PDE4D: variants seen among roughly 807,000 people sequenced by gnomAD.
The protein encoded by PDE4D is 3',5'-cyclic-AMP phosphodiesterase 4D.
A neutral mutation model predicts 87.4 loss-of-function variants in PDE4D; 24 were observed. The ratio of observed to expected loss-of-function variants is 0.27; its 90% CI spans 0.20 to 0.39. The LOEUF (loss-of-function observed/expected upper bound fraction) is 0.39, where lower values mean the gene tolerates loss of function less well. Ranked by LOEUF, PDE4D falls within the 10% of genes least tolerant of loss-of-function variation. The pLI, the probability that PDE4D is intolerant of heterozygous loss-of-function variation, is 1.00. For missense variants in PDE4D, 714 were observed against 1,041.0 expected (o/e 0.69, Z 4.32); for synonymous variants, 384 against 383.2 (o/e 1.00, Z -0.02).
At chr5:59,668,845 GGAAGAAGAAGAAGAAGAA>G (rs1208323931) in intron 1 of PDE4D, among the ~76,000 whole-genome samples, 737 of 62,072 alleles carry the variant, frequency 0.012, 11 homozygotes, top group Middle Eastern at 0.019. Flanking sequence ...AAGAGGAAGA[GGAAGAAGAAGAAGAAGAA>G]GAAGAAGAAG....
chr5:59,678,387 T>C (rs1381003973), intron 1 of PDE4D, among the ~76,000 whole-genome samples: 1 of 152,196 alleles, frequency 6.6e-6, no homozygotes, highest in African/African-American at 2.4e-5. Flanking sequence ...TTACATTATG[T>C]GTAGTTTTGT....
In PDE4D at chr5:60,302,539, T is replaced by C. The variant is rs112324034; in HGVS notation, c.-89-116852A>G. Among the ~76,000 whole-genome samples, 6 of 152,306 alleles carry C rather than the reference T, an allele frequency of 3.9e-5. 1 individual carries two copies. The highest frequency in any genetic ancestry group is 1.4e-4 in the African/African-American group (6 of 41,570). On this transcript the variant is annotated intron_variant, in intron 1 of 16. Transcript: ENST00000502484. ...ATCCCCCTTATCATTTCTAATTGTG[T>C]TTATTTGATCCTTCTCTCTTTTATT...
chr5:60,030,046 T>C (rs549418425), intron 2 of PDE4D, among the ~76,000 whole-genome samples: 3 of 152,344 alleles, frequency 2.0e-5, no homozygotes, highest in South Asian at 4.1e-4. Flanking sequence ...CATCAACCAT[T>C]GATGCCTAAA....
chr5:59,640,920 T>C (rs1741473670), intron 1 of PDE4D, among the ~76,000 whole-genome samples: 1 of 152,256 alleles, frequency 6.6e-6, no homozygotes, highest in African/African-American at 2.4e-5. Context: ...AAGGCAATTC[T>C]ATATCTCTTT....
rs1202402278 is a variant in PDE4D at position 59,327,163 on chromosome 5, ACACACACT to A, written c.456-111203_456-111196del. ...CACACACACACACACACACACACAC[ACACACACT>A]CCAGACTGGCTGTGAATGAAATACC... is the stretch of plus-strand genomic sequence containing the variant. On this transcript the variant is annotated intron_variant, in intron 1 of 14. Coordinates refer to ENST00000340635, the MANE Select transcript of PDE4D (RefSeq NM_001104631.2). Among the ~76,000 whole-genome samples, 9 of 134,656 alleles carry A rather than the reference ACACACACT, an allele frequency of 6.7e-5. No homozygotes were observed. In the East Asian group the frequency reaches 1.4e-3, roughly 21 times the overall value. The allele number at this position is 134,656 out of a possible 152,430, so 88.3% of individuals were successfully genotyped here.
intron 5 of PDE4D, among the ~76,000 whole-genome samples, chr5:59,172,047 ATAT>A (rs1304890755): frequency 4.3e-3 from 11 of 2,554 alleles, no homozygotes; most frequent in African/African-American, 0.023. Context: ...TATATATATA[ATAT>A]ATATATATTA....
chr5:59,520,360 A>G (rs141916639), intron 1 of PDE4D, among the ~76,000 whole-genome samples: 1 of 152,192 alleles, frequency 6.6e-6, no homozygotes, highest in South Asian at 2.1e-4. Context: ...ATCATGCCTT[A>G]TTCATCTGTA....
intron 1 of PDE4D, among the ~76,000 whole-genome samples, chr5:59,524,776 T>G (rs1812786136): frequency 6.6e-6 from 1 of 152,164 alleles, no homozygotes; most frequent in South Asian, 2.1e-4. Flanking sequence ...GCATCCCAGC[T>G]GCTTCAGTCC....
intron 11 of PDE4D, among the ~76,000 whole-genome samples, chr5:58,984,816 T>C (rs545035883): frequency 6.6e-6 from 1 of 152,366 alleles, no homozygotes; most frequent in Admixed American, 6.5e-5. Flanking sequence ...TCTGTACTTT[T>C]GATACTTTTT....
intron 1 of PDE4D, among the ~76,000 whole-genome samples, chr5:60,314,860 C>G (rs1383489174): frequency 5.3e-5 from 8 of 152,190 alleles, no homozygotes; most frequent in Non-Finnish European, 8.8e-5. Context: ...TGTATATGTG[C>G]CACATTTTCT....
chr5:59,471,336 G>C (rs781219024), intron 1 of PDE4D, among the ~76,000 whole-genome samples: 11 of 152,190 alleles, frequency 7.2e-5, no homozygotes, highest in Non-Finnish European at 1.6e-4. Context: ...TTCCAAGTCT[G>C]TCTTGACATA....
chr5:59,241,235 G>A (rs1210231386), intron 1 of PDE4D, among the ~76,000 whole-genome samples: 1 of 152,078 alleles, frequency 6.6e-6, no homozygotes, highest in Non-Finnish European at 1.5e-5. Context: ...CAATAAAAGG[G>A]CATTCAACAA....
chr5:60,164,013 A>T (rs1254407973), intron 2 of PDE4D, among the ~76,000 whole-genome samples: 2 of 152,214 alleles, frequency 1.3e-5, no homozygotes, highest in African/African-American at 4.8e-5. Context: ...TCATTTAAAT[A>T]TGTTAACCTC....
At chr5:59,402,968 C>A (rs1790934090) in intron 1 of PDE4D, among the ~76,000 whole-genome samples, 2 of 152,010 alleles carry the variant, frequency 1.3e-5, no homozygotes, top group Non-Finnish European at 2.9e-5. Flanking sequence ...TACTGATAAA[C>A]CAAATGATGT....
At chr5:59,038,372 G>A (rs1758931915) in intron 6 of PDE4D, among the ~76,000 whole-genome samples, 1 of 152,146 alleles carries the variant, frequency 6.6e-6, no homozygotes, top group Admixed American at 6.5e-5. Context: ...GGATATGTAT[G>A]GCCAACTGAA....
At chr5:60,101,656 T>C (rs145599762) in intron 2 of PDE4D, among the ~76,000 whole-genome samples, 1,684 of 152,250 alleles carry the variant, frequency 0.011, 13 homozygotes, top group South Asian at 0.028. Context: ...CAGAATAAAA[T>C]GCTTCATAAG....
chr5:59,715,173 A>G (rs1754817622), intron 1 of PDE4D, among the ~76,000 whole-genome samples: 1 of 152,232 alleles, frequency 6.6e-6, no homozygotes, highest in East Asian at 1.9e-4. Flanking sequence ...GTTCATTGAT[A>G]ACAACCCCCC....
intron 2 of PDE4D, among the ~76,000 whole-genome samples, chr5:60,074,438 A>G (rs766041696): frequency 1.1e-4 from 17 of 151,862 alleles, no homozygotes; most frequent in Non-Finnish European, 1.9e-4. Context: ...TATGTGATCA[A>G]CTCTAGAGTG....
intron 2 of PDE4D, among the ~76,000 whole-genome samples, chr5:60,144,749 T>C (rs909645910): frequency 8.5e-5 from 13 of 152,226 alleles, no homozygotes; most frequent in African/African-American, 3.1e-4. Context: ...GTCATTCTTC[T>C]TCACTATACT....
Sources: gnomAD v4.1 joint callset for allele counts (sites outside exome capture counted in the v4.1 genomes callset) on GRCh38, gnomAD v4.1.1 for gene constraint, MANE v1.5 for transcripts, NCBI Gene and HGNC (gene_info 2026-07-23, HGNC 2026-07-21) for gene names.